Variants in FLVCR2 observed in about 807,000 individuals in gnomAD.
FLVCR2 encodes choline/ethanolamine transporter FLVCR2.
A neutral mutation model predicts 48.9 loss-of-function variants in FLVCR2; 38 were observed. That is an observed-to-expected ratio of 0.78 (90% CI 0.60 to 1.02). FLVCR2 has a LOEUF of 1.02. Ranked by LOEUF, FLVCR2 falls within the 50% of genes least tolerant of loss-of-function variation. FLVCR2 has a pLI of 0.00. For missense variants in FLVCR2, 664 were observed against 663.3 expected, an observed-to-expected ratio of 1.00 and a Z score of -0.01; for synonymous variants, 255 against 257.0, an observed-to-expected ratio of 0.99 and a Z score of 0.07.
At chr14:75,624,090 G>A (rs976993778) in intron 2 of FLVCR2, among the ~76,000 whole-genome samples, 1 of 151,394 alleles carries the variant, frequency 6.6e-6, no homozygotes, top group African/African-American at 2.4e-5. Context: ...GTCCGGGTGC[G>A]GTGGCTCACG....
intron 1 of FLVCR2, among the ~76,000 whole-genome samples, chr14:75,608,966 T>C (rs1344294889): frequency 6.6e-6 from 1 of 152,120 alleles, no homozygotes; most frequent in Non-Finnish European, 1.5e-5. Context: ...TTGTCCTGAA[T>C]TGCATCCCCT....
intron 3 of FLVCR2, among the ~76,000 whole-genome samples, chr14:75,630,963 T>C (rs901798138): frequency 4.6e-5 from 7 of 152,206 alleles, no homozygotes; most frequent in African/African-American, 1.7e-4. Flanking sequence ...GAGCATGCAT[T>C]TCATTCCTGC....
At chr14:75,582,765 G>A (rs564089217) in intron 1 of FLVCR2, among the ~76,000 whole-genome samples, 2 of 152,164 alleles carry the variant, frequency 1.3e-5, no homozygotes, top group Non-Finnish European at 2.9e-5. Flanking sequence ...AAGGATTTAG[G>A]ATCTATGGGG....
Position 75,579,582 on chromosome 14 carries a change from G to C in FLVCR2, c.610G>C (p.Val204Leu), listed in dbSNP as rs185687959. The C allele has an allele frequency of 6.2e-7, 1 of 1,614,048 alleles. No individual in the cohort carries two copies. Among genetic ancestry groups the C allele is most frequent in the South Asian group, 1.1e-5 (1 of 91,086 alleles). The change falls in exon 1 of 10, where the codon GTC (valine) becomes CTC (leucine). Residue 204 changes from valine (V) to leucine (L), a missense_variant. Coordinates refer to ENST00000238667, the MANE Select transcript of FLVCR2 (RefSeq NM_017791.3). ...GGGCATGCCCTCCCGCATCGCTTCC[G>C]TCTGGTTCGGGGCTAATGAGGTTTC... is the stretch of plus-strand genomic sequence containing the variant. ...ILGMPSRIAS[V>L]WFGANEVSTA...
In FLVCR2 at chr14:75,578,646, C is replaced by G. The variant is rs191422112; in HGVS notation, c.-327C>G. On this transcript the variant is annotated 5_prime_UTR_variant, in exon 1 of 10. Transcript: ENST00000238667. ...GAGGACTCTGCGGGCGAAGTGGCTG[C>G]GCAAGGAGAGAACTTTTCCTGCACA... 1 of 422,678 alleles carries G rather than the reference C, an allele frequency of 2.4e-6. No individual in the cohort carries two copies. The highest frequency in any genetic ancestry group is 4.4e-6 in the Non-Finnish European group (1 of 228,526). The allele number at this position is 422,678 out of a possible 1,614,324, so 26.2% of individuals were successfully genotyped here. A position where few individuals can be genotyped will look rare whatever the true frequency, so the allele number is the denominator to read the frequency against.
At chr14:75,633,545 A>AC in intron 3 of FLVCR2, 84 bp from the exon 4 acceptor site, 1 of 1,069,044 alleles carries the variant, frequency 9.4e-7, no homozygotes, top group Non-Finnish European at 1.5e-6. Flanking sequence ...ATTTCTGCCC[A>AC]CCCCCCAAAT....
intron 3 of FLVCR2, among the ~76,000 whole-genome samples, chr14:75,629,000 T>C (rs1055772142): frequency 1.3e-5 from 2 of 152,164 alleles, no homozygotes; most frequent in African/African-American, 4.8e-5. Flanking sequence ...GGAGTAACTG[T>C]CCTGCAGCTG....
At chr14:75,588,554 C>T (rs980746888) in intron 1 of FLVCR2, among the ~76,000 whole-genome samples, 3 of 152,212 alleles carry the variant, frequency 2.0e-5, no homozygotes, top group African/African-American at 7.2e-5. Flanking sequence ...AGCATCTTGG[C>T]TCACTGCAAT....
chr14:75,580,709 G>C (rs1176720019), intron 1 of FLVCR2, among the ~76,000 whole-genome samples: 2 of 152,158 alleles, frequency 1.3e-5, no homozygotes, highest in African/African-American at 4.8e-5. Context: ...ATTCTCAAGG[G>C]TGGGGAGAAT....
intron 3 of FLVCR2, among the ~76,000 whole-genome samples, chr14:75,632,019 T>G (rs548368377): frequency 6.6e-6 from 1 of 152,328 alleles, no homozygotes; most frequent in South Asian, 2.1e-4. Context: ...GAGACTGCAT[T>G]GAGCCCAACC....
intron 1 of FLVCR2, among the ~76,000 whole-genome samples, chr14:75,610,571 A>G (rs1312677641): frequency 6.6e-6 from 1 of 152,120 alleles, no homozygotes; most frequent in Non-Finnish European, 1.5e-5. Flanking sequence ...TGCACCCCCC[A>G]CAAAGATGAG....
In FLVCR2 at chr14:75,610,613, G is replaced by C. The variant is rs996574841; in HGVS notation, c.670-11466G>C. 9.6e-4 allele frequency among the ~76,000 whole-genome samples: 146 copies of C among 152,310 alleles called. 1 individual carries two copies. The highest frequency in any genetic ancestry group is 1.5e-4 in the Non-Finnish European group (10 of 68,026). On this transcript the variant is annotated intron_variant, in intron 1 of 9. Transcript: ENST00000238667. ...ACCCAACACCAAGGCTGTAGGTCAA[G>C]ATCAAGGTATATTACATTATAAACC...
At chr14:75,609,330 C>T (rs1889377102) in intron 1 of FLVCR2, among the ~76,000 whole-genome samples, 1 of 152,092 alleles carries the variant, frequency 6.6e-6, no homozygotes, top group Non-Finnish European at 1.5e-5. Flanking sequence ...CGGGTGACTT[C>T]AAAGCAGGAT....
At chr14:75,618,882 A>AG (rs1889683394) in intron 1 of FLVCR2, among the ~76,000 whole-genome samples, 1 of 142,624 alleles carries the variant, frequency 7.0e-6, no homozygotes, top group Non-Finnish European at 1.5e-5. Flanking sequence ...GCTGAGCAGC[A>AG]GGGTTTTTTT....
At chr14:75,593,073 G>A (rs1888925802) in intron 1 of FLVCR2, among the ~76,000 whole-genome samples, 1 of 152,046 alleles carries the variant, frequency 6.6e-6, no homozygotes, top group South Asian at 2.1e-4. Flanking sequence ...AGTTCCAAAC[G>A]TTCCCTCATC....
Position 75,646,609 on chromosome 14 carries a change from T to C in FLVCR2, c.*137T>C, listed in dbSNP as rs1594819708. The C allele has an allele frequency of 1.4e-6, 1 of 719,530 alleles. No homozygotes were observed. Among genetic ancestry groups the C allele is most frequent in the East Asian group, 2.7e-5 (1 of 36,662 alleles). 44.6% of individuals were successfully genotyped at this position (719,530 alleles called of 1,614,324 possible). ...GGGACTATTTGTGGCATGGATGGCC[T>C]ATTCCTCCTAGAACCCACGTAAGAG... is the stretch of plus-strand genomic sequence containing the variant. On this transcript the variant is annotated 3_prime_UTR_variant, in exon 10 of 10. Coordinates refer to ENST00000238667, the MANE Select transcript of FLVCR2 (RefSeq NM_017791.3).
At position 75,579,535 on chromosome 14, in the gene FLVCR2, C is replaced by CTG. The variant is rs1888542952; in HGVS notation, c.566_567dup (p.Ala190TrpfsTer68). 5 of 1,613,804 alleles carry CTG rather than the reference C, an allele frequency of 3.1e-6. No individual in the cohort carries two copies. Among genetic ancestry groups the CTG allele is most frequent in the Non-Finnish European group, 4.2e-6 (5 of 1,179,872 alleles). The stretch of plus-strand genomic sequence containing the variant: ...ACCGTGGTGGGCCAGCTCATCTGCT[C>CTG]TGTGGCCCAGGTTTTCATCCTGGGC... On this transcript the variant is annotated frameshift_variant, in exon 1 of 10. Transcript: ENST00000238667. LOFTEE classifies it high-confidence loss of function.
intron 1 of FLVCR2, chr14:75,605,787 A>T (rs1198832077): frequency 3.1e-6 from 2 of 655,560 alleles, no homozygotes; most frequent in Non-Finnish European, 5.3e-6. Flanking sequence ...TTGATTGCAC[A>T]GCCCTGCCAG....
chr14:75,622,578 A>G (rs573620844), intron 2 of FLVCR2, among the ~76,000 whole-genome samples: 1 of 152,308 alleles, frequency 6.6e-6, no homozygotes, highest in South Asian at 2.1e-4. Context: ...TTTAGTTGTC[A>G]ACAGCCCTAT....
Sources: gnomAD v4.1 joint callset for allele counts (sites outside exome capture counted in the v4.1 genomes callset) on GRCh38, gnomAD v4.1.1 for gene constraint, MANE v1.5 for transcripts, NCBI Gene and HGNC (gene_info 2026-07-23, HGNC 2026-07-21) for gene names.